MRPS7: variants seen among roughly 807,000 people sequenced by gnomAD.
MRPS7 encodes mitochondrial ribosomal protein S7.
Under a neutral mutation model 26.2 loss-of-function variants are expected in MRPS7, and 13 were observed. That is an observed-to-expected ratio of 0.50 (90% CI 0.32 to 0.79). The LOEUF (loss-of-function observed/expected upper bound fraction) is 0.79, where lower values mean the gene tolerates loss of function less well. Among genes scored for constraint, MRPS7 ranks in the 30% least tolerant of loss-of-function variants. The pLI is 0.03. For missense variants in MRPS7, 318 were observed against 312.2 expected (o/e 1.02, Z -0.14); for synonymous variants, 129 against 113.3 (o/e 1.14, Z -0.88).
Position 75,261,938 on chromosome 17 carries a change from C to T in MRPS7, c.38C>T (p.Ser13Leu), listed in dbSNP as rs200842828. 5.0e-6 allele frequency: 8 copies of T among 1,608,550 alleles called. No individual in the cohort carries two copies. The East Asian group carries it at 1.8e-4, about 36-fold the overall frequency. ...GCAGTGAAGGTTGCCCGAGGATGGT[C>T]GGGCCTGGCGTTGGGCGTGCGGCGG... Reference protein sequence around the residue: ...APAVKVARGWSGLALGVRRAV... With the variant: ...APAVKVARGWLGLALGVRRAV... The change falls in exon 1 of 5, where the codon TCG becomes TTG. Residue 13 changes from serine to leucine, a missense_variant. Physicochemically the swap from Ser to Leu is moderately radical, Grantham distance 145. Transcript: ENST00000245539.
intron 1 of MRPS7, 90 bp downstream of exon 1, chr17:75,262,073 C>T: frequency 6.9e-7 from 1 of 1,444,006 alleles, no homozygotes; most frequent in Non-Finnish European, 9.5e-7. Flanking sequence ...GAGAGCATTG[C>T]CCTGGGGGCC....
chr17:75,262,221 G>T, intron 1 of MRPS7: 2 of 642,678 alleles, frequency 3.1e-6, no homozygotes, highest in Non-Finnish European at 5.3e-6. Flanking sequence ...CAGCTAAAGA[G>T]CTCAGATCTG....
In MRPS7 at chr17:75,263,331, C is replaced by G; in HGVS notation, c.340-9C>G. 2 of 1,613,960 alleles carry G rather than the reference C, an allele frequency of 1.2e-6. No homozygotes were observed. Reference sequence around the variant, plus strand: ...CTGGGGCAGCCTCTTCCACCATATTCTTTTGCAGACTCTGGAAGCTGTGAA... The same window carrying G: ...CTGGGGCAGCCTCTTCCACCATATTGTTTTGCAGACTCTGGAAGCTGTGAA... On this transcript the variant is annotated splice_polypyrimidine_tract_variant and intron_variant, in intron 3 of 4. Transcript: ENST00000245539.
intron 4 of MRPS7, 133 bp downstream of exon 4, chr17:75,263,640 T>C (rs562590194): frequency 8.4e-7 from 1 of 1,183,606 alleles, no homozygotes; most frequent in East Asian, 2.3e-5. Context: ...CTCAGCACTT[T>C]GGGAGCCTAA....
Position 75,262,895 on chromosome 17 carries a change from C to T in MRPS7, c.339+28C>T, listed in dbSNP as rs541739030. 25 of 1,609,044 alleles carry T rather than the reference C, an allele frequency of 1.6e-5. No individual in the cohort carries two copies. In the Middle Eastern group the frequency reaches 6.6e-4, roughly 42 times the overall value. On this transcript the variant is annotated intron_variant, in intron 3 of 4. Transcript: ENST00000245539. ...AAACAGCACTTCCCTCCTCAGTCAT[C>T]TTTCTTGCCCCCCTACCCCGTAGCC...
intron 4 of MRPS7, among the ~76,000 whole-genome samples, chr17:75,264,929 T>C (rs2077461911): frequency 1.3e-5 from 2 of 152,066 alleles, no homozygotes; most frequent in Admixed American, 1.3e-4. Flanking sequence ...TAGGTACCTA[T>C]GGTCTGAGGT....
Position 75,263,882 on chromosome 17 carries a change from G to GAAAA in MRPS7, c.507+390_507+393dup, listed in dbSNP as rs61513124. 410 of 97,772 alleles carry GAAAA rather than the reference G, an allele frequency of 4.2e-3. 29 individuals carry two copies. Among genetic ancestry groups the GAAAA allele is most frequent in the South Asian group, 8.7e-3 (22 of 2,530 alleles). 6.1% of individuals were successfully genotyped at this position (97,772 alleles called of 1,614,324 possible). ...GGCAAGAGAGAGAAACCTTGTCTCA[G>GAAAA]AAAAAAAAAAAAAAAAAACGGCTGG... On this transcript the variant is annotated intron_variant, in intron 4 of 4. Transcript: ENST00000245539.
At chr17:75,263,640 T>A (rs562590194) in intron 4 of MRPS7, 133 bp downstream of exon 4, 3 of 1,183,488 alleles carry the variant, frequency 2.5e-6, no homozygotes, top group African/African-American at 1.5e-5. Flanking sequence ...CTCAGCACTT[T>A]GGGAGCCTAA....
chr17:75,262,871 A>T lies in MRPS7; in HGVS notation c.339+4A>T, dbSNP rs1285553738. On this transcript the variant is annotated splice_donor_region_variant and intron_variant, in intron 3 of 4. Coordinates refer to ENST00000245539, the MANE Select transcript of MRPS7 (RefSeq NM_015971.4). The stretch of plus-strand genomic sequence containing the variant: ...GGCCAGATCCCTCATGATTCAGGTA[A>T]ACAGCACTTCCCTCCTCAGTCATCT... The T allele has an allele frequency of 1.2e-6, 2 of 1,613,838 alleles. No homozygotes were observed. The highest frequency in any genetic ancestry group is 1.7e-6 in the Non-Finnish European group (2 of 1,179,800).
intron 4 of MRPS7, chr17:75,264,145 G>A (rs2077450501): frequency 6.9e-6 from 1 of 145,258 alleles, no homozygotes; most frequent in Middle Eastern, 3.8e-3. Flanking sequence ...CCGCACTCCA[G>A]CCTGGCAACA....
chr17:75,264,457 C>T (rs1012250350), intron 4 of MRPS7: 1 of 152,136 alleles, frequency 6.6e-6, no homozygotes, highest in Non-Finnish European at 1.5e-5. Context: ...TACTAGGTAT[C>T]TCTTTCATAG....
Position 75,266,162 on chromosome 17 carries a change from G to A in MRPS7, c.*239G>A. On this transcript the variant is annotated 3_prime_UTR_variant, in exon 5 of 5. Coordinates refer to ENST00000245539, the MANE Select transcript of MRPS7 (RefSeq NM_015971.4). ...CACATTGACTTGGGAATTTCCTCCA[G>A]GAAACTCAGGGCTGTTTTCTCTTCC... 2 of 551,642 alleles carry A rather than the reference G, an allele frequency of 3.6e-6. No individual in the cohort carries two copies. Among genetic ancestry groups the A allele is most frequent in the Non-Finnish European group, 6.5e-6 (2 of 308,518 alleles). 34.2% of individuals were successfully genotyped at this position (551,642 alleles called of 1,614,324 possible). A position where few individuals can be genotyped will look rare whatever the true frequency, so the allele number is the denominator to read the frequency against.
At chr17:75,264,465 T>C (rs1021598888) in intron 4 of MRPS7, 2 of 152,182 alleles carry the variant, frequency 1.3e-5, no homozygotes, top group Admixed American at 1.3e-4. Flanking sequence ...ATCTCTTTCA[T>C]AGCATTTAAT....
chr17:75,263,120 TCACCCCC>T, intron 3 of MRPS7: 2 of 614,948 alleles, frequency 3.3e-6, no homozygotes, highest in Non-Finnish European at 5.6e-6. Context: ...ATTCCCCACC[TCACCCCC>T]CACCCCCTCC....
At chr17:75,264,650 G>A (rs1341162817) in intron 4 of MRPS7, among the ~76,000 whole-genome samples, 1 of 150,286 alleles carries the variant, frequency 6.7e-6, no homozygotes, top group South Asian at 2.1e-4. Flanking sequence ...TTAACTGTTT[G>A]TATAGGGTCT....
Position 75,262,885 on chromosome 17 carries a change from C to T in MRPS7, c.339+18C>T, listed in dbSNP as rs750785739. The T allele has an allele frequency of 1.2e-6, 2 of 1,612,570 alleles. No individual in the cohort carries two copies. The highest frequency in any genetic ancestry group is 1.3e-5 in the African/African-American group (1 of 74,838). On this transcript the variant is annotated intron_variant, in intron 3 of 4. Coordinates refer to ENST00000245539, the MANE Select transcript of MRPS7 (RefSeq NM_015971.4). ...TGATTCAGGTAAACAGCACTTCCCT[C>T]CTCAGTCATCTTTCTTGCCCCCCTA...
At chr17:75,262,022 G>T in intron 1 of MRPS7, 39 bp downstream of exon 1, 1 of 1,598,476 alleles carries the variant, frequency 6.3e-7, no homozygotes, top group African/African-American at 1.3e-5. Flanking sequence ...GGCGCTGCGA[G>T]GAAGGAAGGG....
chr17:75,263,664 G>C, intron 4 of MRPS7, 157 bp downstream of exon 4: 2 of 951,298 alleles, frequency 2.1e-6, no homozygotes. Context: ...AGGATAGCTT[G>C]AGCTCAGGAG....
Position 75,263,425 on chromosome 17 carries a change from A to G in MRPS7, c.425A>G (p.Tyr142Cys). ...EEQATIERNPYTIFHQALKNC... is the reference protein window; with the variant it reads ...EEQATIERNPCTIFHQALKNC... ...CAGGCAACCATCGAACGCAACCCCT[A>G]CACCATCTTCCATCAAGCACTGAAA... Residue 142 changes from tyrosine (Y) to cysteine (C), a missense_variant, in exon 4 of 5, where the codon TAC (tyrosine) becomes TGC (cysteine). Coordinates refer to ENST00000245539, the MANE Select transcript of MRPS7 (RefSeq NM_015971.4). The G allele has an allele frequency of 6.2e-7, 1 of 1,614,140 alleles. No homozygotes were observed. The highest frequency in any genetic ancestry group is 1.1e-5 in the South Asian group (1 of 91,082).
Sources: allele counts gnomAD v4.1 joint callset (sites outside exome capture counted in the v4.1 genomes callset), GRCh38; gene constraint gnomAD v4.1.1; transcripts MANE v1.5; gene names NCBI Gene and HGNC (gene_info 2026-07-23, HGNC 2026-07-21).